Variants in CAMKMT observed in about 807,000 individuals in gnomAD.
CAMKMT encodes the protein CaM KMT.
Under a neutral mutation model 48.0 loss-of-function variants are expected in CAMKMT, and 53 were observed. That is an observed-to-expected ratio of 1.10 (90% confidence interval 0.89 to 1.39). CAMKMT has a LOEUF of 1.39. Among genes scored for constraint, CAMKMT ranks in the 40% most tolerant of loss-of-function variants. The pLI is 0.00. For synonymous variants in CAMKMT, 165 were observed against 152.3 expected (o/e 1.08, Z -0.61); for missense variants, 428 against 402.7 (o/e 1.06, Z -0.54).
intron 3 of CAMKMT, among the ~76,000 whole-genome samples, chr2:44,445,617 G>A (rs1209793379): frequency 1.4e-5 from 2 of 146,586 alleles, no homozygotes; most frequent in Non-Finnish European, 3.0e-5. Flanking sequence ...TGGGCTCAGG[G>A]GAAGTCCAAC....
At chr2:44,718,579 TTTA>T (rs1678293838) in intron 7 of CAMKMT, among the ~76,000 whole-genome samples, 1 of 152,218 alleles carries the variant, frequency 6.6e-6, no homozygotes, top group Non-Finnish European at 1.5e-5. Context: ...AATTGTTGGG[TTTA>T]TCTAAAGCTG....
intron 3 of CAMKMT, among the ~76,000 whole-genome samples, chr2:44,443,104 G>A (rs1666773072): frequency 6.6e-6 from 1 of 152,142 alleles, no homozygotes; most frequent in African/African-American, 2.4e-5. Flanking sequence ...TAGAGGAAAA[G>A]TCTATGAATA....
intron 1 of CAMKMT, among the ~76,000 whole-genome samples, chr2:44,365,699 C>A (rs1678519222): frequency 6.6e-6 from 1 of 152,188 alleles, no homozygotes; most frequent in Non-Finnish European, 1.5e-5. Context: ...TACCCTGTGG[C>A]AGGTAAGGTA....
At chr2:44,731,619 C>T (rs979249944) in intron 7 of CAMKMT, among the ~76,000 whole-genome samples, 1 of 152,136 alleles carries the variant, frequency 6.6e-6, no homozygotes, top group Non-Finnish European at 1.5e-5. Context: ...CAGAAATTGA[C>T]TTGGTTTTGT....
chr2:44,563,041 TC>T (rs1668407822), intron 3 of CAMKMT, among the ~76,000 whole-genome samples: 1 of 152,272 alleles, frequency 6.6e-6, no homozygotes, highest in South Asian at 2.1e-4. Flanking sequence ...TCTAACCAAC[TC>T]CTATGCCATA....
intron 3 of CAMKMT, among the ~76,000 whole-genome samples, chr2:44,512,319 A>G (rs1670604660): frequency 6.6e-6 from 1 of 152,250 alleles, no homozygotes; most frequent in South Asian, 2.1e-4. Flanking sequence ...GAGGCTAATA[A>G]ATCATAGGTT....
chr2:44,725,196 G>A (rs1014862136), intron 7 of CAMKMT, among the ~76,000 whole-genome samples: 27 of 149,786 alleles, frequency 1.8e-4, no homozygotes, highest in African/African-American at 6.6e-4. Flanking sequence ...GTATGCATGT[G>A]AGTGCTATAT....
In CAMKMT at chr2:44,390,480, C is replaced by G. The variant is rs990138811; in HGVS notation, c.376+175C>G. ...AAAATAAGCCTTGTATAAGGTACAC[C>G]GACAAAATGGGATACTGCAGTTTCT... On this transcript the variant is annotated intron_variant, in intron 3 of 10. Coordinates refer to ENST00000378494, the MANE Select transcript of CAMKMT (RefSeq NM_024766.5). Among the ~76,000 whole-genome samples, 6 of 144,112 alleles carry G rather than the reference C, an allele frequency of 4.2e-5. No individual in the cohort carries two copies. The Admixed American group carries it at 4.2e-4, about 10-fold the overall frequency. 94.5% of individuals were successfully genotyped at this position (144,112 alleles called of 152,430 possible).
At chr2:44,707,544 A>G in intron 6 of CAMKMT, 82 bp downstream of exon 6, 1 of 1,165,966 alleles carries the variant, frequency 8.6e-7, no homozygotes, top group Non-Finnish European at 1.2e-6. Context: ...AAAGAAAGAC[A>G]GCATGGGGTA....
chr2:44,546,107 C>G (rs1194369894), intron 3 of CAMKMT, among the ~76,000 whole-genome samples: 4 of 150,020 alleles, frequency 2.7e-5, no homozygotes, highest in African/African-American at 9.9e-5. Context: ...TAACATTCAT[C>G]AGTATCTGAT....
chr2:44,450,363 A>G (rs1302492768), intron 3 of CAMKMT, among the ~76,000 whole-genome samples: 1 of 152,102 alleles, frequency 6.6e-6, no homozygotes, highest in Non-Finnish European at 1.5e-5. Context: ...CTAAATCTTT[A>G]GGTTCAGCTT....
At chr2:44,585,264 T>G (rs72792315) in intron 3 of CAMKMT, among the ~76,000 whole-genome samples, 1,775 of 152,330 alleles carry the variant, frequency 0.012, 27 homozygotes, top group Non-Finnish European at 0.019. Context: ...GTCTTGGCTT[T>G]GCAAAGAGCA....
At chr2:44,770,129 G>C (rs1681042156) in intron 10 of CAMKMT, among the ~76,000 whole-genome samples, 1 of 152,234 alleles carries the variant, frequency 6.6e-6, no homozygotes, top group African/African-American at 2.4e-5. Flanking sequence ...AGGAAGTACA[G>C]CCTGGGTAAA....
At position 44,625,466 on chromosome 2, in the gene CAMKMT, C is replaced by T. The variant is rs147626084; in HGVS notation, c.377-78817C>T. Among the ~76,000 whole-genome samples, 546 of 151,914 alleles carry T rather than the reference C, an allele frequency of 3.6e-3. 2 individuals are homozygous for T. Among genetic ancestry groups the T allele is most frequent in the African/African-American group, 0.013 (529 of 41,462 alleles). ...AGATTTTTTCCCAGTCTTTGGCTTG[C>T]CTTTTTATTTTATTAATACTGTCTT... is the stretch of plus-strand genomic sequence containing the variant. On this transcript the variant is annotated intron_variant, in intron 3 of 10. Coordinates refer to ENST00000378494, the MANE Select transcript of CAMKMT (RefSeq NM_024766.5).
chr2:44,417,933 C>G (rs916990473), intron 3 of CAMKMT, among the ~76,000 whole-genome samples: 14 of 152,256 alleles, frequency 9.2e-5, no homozygotes, highest in African/African-American at 3.4e-4. Context: ...TGGCTCATGC[C>G]TGTAATCCCA....
intron 3 of CAMKMT, among the ~76,000 whole-genome samples, chr2:44,442,611 G>A (rs1329649818): frequency 1.3e-5 from 2 of 152,108 alleles, no homozygotes; most frequent in Non-Finnish European, 2.9e-5. Flanking sequence ...GTCTTCAAGG[G>A]CTCCTCTTAA....
chr2:44,720,294 T>C (rs747376201), intron 7 of CAMKMT, among the ~76,000 whole-genome samples: 1 of 152,154 alleles, frequency 6.6e-6, no homozygotes, highest in Non-Finnish European at 1.5e-5. Flanking sequence ...GTATTGATTC[T>C]TTGGATTTGC....
intron 3 of CAMKMT, among the ~76,000 whole-genome samples, chr2:44,527,602 A>G (rs1666218600): frequency 6.6e-6 from 1 of 151,406 alleles, no homozygotes; most frequent in African/African-American, 2.4e-5. Flanking sequence ...TTACTCACTG[A>G]GACAATAATA....
chr2:44,413,464 C>G (rs1223787976), intron 3 of CAMKMT, among the ~76,000 whole-genome samples: 1 of 151,998 alleles, frequency 6.6e-6, no homozygotes, highest in Non-Finnish European at 1.5e-5. Flanking sequence ...CCAGCCTGGA[C>G]AACGTAGTGA....
Sources: allele counts gnomAD v4.1 joint callset (sites outside exome capture counted in the v4.1 genomes callset), GRCh38; gene constraint gnomAD v4.1.1; transcripts MANE v1.5; gene names NCBI Gene and HGNC (gene_info 2026-07-23, HGNC 2026-07-21).